Variants in MED12L observed in about 807,000 individuals in gnomAD.
MED12L encodes mediator complex subunit 12L, also known as mediator of RNA polymerase II transcription subunit 12-like protein.
In MED12L, 60 loss-of-function variants were observed where a neutral mutation model predicts 281.3. That is an observed-to-expected ratio of 0.21 (90% CI 0.17 to 0.26). The LOEUF is 0.26. MED12L is among the 10% of genes least tolerant of loss of function. The pLI, the probability that MED12L is intolerant of heterozygous loss-of-function variation, is 1.00. For missense variants in MED12L, 2,146 were observed against 2,680.9 expected, an observed-to-expected ratio of 0.80 and a Z score of 4.41; for synonymous variants, 974 against 987.2, an observed-to-expected ratio of 0.99 and a Z score of 0.25.
intron 16 of MED12L, among the ~76,000 whole-genome samples, chr3:151,242,503 G>GC: frequency 6.6e-6 from 1 of 152,306 alleles, no homozygotes; most frequent in Non-Finnish European, 1.5e-5. Flanking sequence ...CCCAGCAGGG[G>GC]CACACTGACA....
At position 151,385,023 on chromosome 3, in the gene MED12L, T is replaced by G; in HGVS notation, c.4927-7T>G. 7.1e-7 allele frequency: 1 copy of G among 1,401,012 alleles called. No homozygotes were observed. The highest frequency in any genetic ancestry group is 1.0e-6 in the Non-Finnish European group (1 of 989,368). 86.8% of individuals were successfully genotyped at this position (1,401,012 alleles called of 1,614,324 possible). On this transcript the variant is annotated splice_region_variant and splice_polypyrimidine_tract_variant and intron_variant, in intron 35 of 44. Coordinates refer to ENST00000687756, the MANE Select transcript of MED12L (RefSeq NM_001393769.1). ...TCTCACTCTCTCTCTCTCTCTTTTT[T>G]CTTTAGAAAGAGCTAGGAGACAAGC...
Position 151,165,840 on chromosome 3 carries a change from C to A in MED12L, c.1358-6C>A. On this transcript the variant is annotated splice_polypyrimidine_tract_variant and splice_region_variant and intron_variant, in intron 10 of 44. Transcript: ENST00000687756. ...CATTAACCACTTGTTTAATTTCTGC[C>A]TATAGGGGTGACTATTAGTCGGGTT... 1 of 1,612,454 alleles carries A rather than the reference C, an allele frequency of 6.2e-7. No homozygotes were observed. Among genetic ancestry groups the A allele is most frequent in the African/African-American group, 1.3e-5 (1 of 74,954 alleles).
intron 16 of MED12L, among the ~76,000 whole-genome samples, chr3:151,309,158 C>CACACAA (rs201370895): frequency 3.6e-4 from 55 of 151,304 alleles, no homozygotes; most frequent in African/African-American, 1.3e-3. Flanking sequence ...CACACACACA[C>CACACAA]AACGTTTCTT....
In MED12L at chr3:151,416,708, C is replaced by T. The variant is rs114501573; in HGVS notation, c.6408+286C>T. ...TACATTGAGACGTGGTCTTTTTTTCCTAAACAATGATAAAACGATGATTTA... is the reference window on the plus strand; with the variant it reads ...TACATTGAGACGTGGTCTTTTTTTCTTAAACAATGATAAAACGATGATTTA... On this transcript the variant is annotated intron_variant, in intron 43 of 44. Coordinates refer to ENST00000687756, the MANE Select transcript of MED12L (RefSeq NM_001393769.1). Among the ~76,000 whole-genome samples, 1,148 of 152,178 alleles carry T rather than the reference C, an allele frequency of 7.5e-3. 16 individuals are homozygous for T. The highest frequency in any genetic ancestry group is 0.026 in the African/African-American group (1,093 of 41,520).
chr3:151,427,026 C>A (rs1425617388), intron 43 of MED12L, among the ~76,000 whole-genome samples: 1 of 152,102 alleles, frequency 6.6e-6, no homozygotes, highest in Non-Finnish European at 1.5e-5. Flanking sequence ...CCATGTTGCC[C>A]AGGCTGGTCT....
chr3:151,133,531 A>G (rs1715704861), intron 5 of MED12L, among the ~76,000 whole-genome samples: 1 of 152,144 alleles, frequency 6.6e-6, no homozygotes, highest in Admixed American at 6.5e-5. Flanking sequence ...GTATCAGGAC[A>G]GAGATTTTAA....
At chr3:151,142,684 C>G (rs924360654) in intron 5 of MED12L, among the ~76,000 whole-genome samples, 1 of 152,160 alleles carries the variant, frequency 6.6e-6, no homozygotes, top group Non-Finnish European at 1.5e-5. Context: ...TTGGTGCTTG[C>G]TCCATACTGT....
At chr3:151,290,974 T>G (rs1228007548) in intron 16 of MED12L, among the ~76,000 whole-genome samples, 2 of 152,180 alleles carry the variant, frequency 1.3e-5, no homozygotes, top group African/African-American at 4.8e-5. Context: ...GTATTTAATT[T>G]TAGAAGTCAT....
intron 2 of MED12L, among the ~76,000 whole-genome samples, chr3:151,091,294 A>G (rs1720013136): frequency 6.6e-6 from 1 of 152,158 alleles, no homozygotes; most frequent in Non-Finnish European, 1.5e-5. Flanking sequence ...TGGTGTCTGC[A>G]TGCGGATATC....
intron 8 of MED12L, 49 bp from the exon 9 acceptor site, chr3:151,163,844 T>C (rs776177799): frequency 1.9e-6 from 3 of 1,577,924 alleles, no homozygotes; most frequent in South Asian, 1.1e-5. Context: ...GCTATTGTTA[T>C]GCTTTTCTCC....
chr3:151,136,344 A>G (rs1389972267), intron 5 of MED12L, among the ~76,000 whole-genome samples: 1 of 152,216 alleles, frequency 6.6e-6, no homozygotes, highest in African/African-American at 2.4e-5. Context: ...TTCCAGGGAC[A>G]AGCGTTTAGT....
At chr3:151,278,824 A>G (rs2149601548) in intron 16 of MED12L, among the ~76,000 whole-genome samples, 1 of 152,368 alleles carries the variant, frequency 6.6e-6, no homozygotes, top group Non-Finnish European at 1.5e-5. Context: ...AATTAACAGA[A>G]TAAAGAAGTA....
intron 16 of MED12L, among the ~76,000 whole-genome samples, chr3:151,256,857 T>TG (rs1559947080): frequency 6.6e-6 from 1 of 151,826 alleles, no homozygotes; most frequent in Non-Finnish European, 1.5e-5. Flanking sequence ...AGGTTTTTTT[T>TG]TTGTTGTTTT....
At chr3:151,355,701 T>C (rs1753828432) in intron 18 of MED12L, among the ~76,000 whole-genome samples, 195 bp from the exon 19 acceptor site, 1 of 152,244 alleles carries the variant, frequency 6.6e-6, no homozygotes, top group Non-Finnish European at 1.5e-5. Context: ...ACTTTTTGTA[T>C]TTTTTAAAAT....
chr3:151,198,691 G>A (rs1296930927), intron 16 of MED12L: 2 of 1,614,028 alleles, frequency 1.2e-6, no homozygotes, highest in Admixed American at 1.7e-5. Flanking sequence ...AGCATATGAT[G>A]TAGCCCGTGG....
intron 16 of MED12L, among the ~76,000 whole-genome samples, chr3:151,239,649 A>T (rs1315180794): frequency 6.6e-6 from 1 of 152,228 alleles, no homozygotes; most frequent in East Asian, 1.9e-4. Context: ...ATAGGTATAC[A>T]CAAAAGCTCT....
chr3:151,212,256 T>C (rs1248203345), intron 16 of MED12L: 1 of 152,204 alleles, frequency 6.6e-6, no homozygotes. Flanking sequence ...AGAAAGAATT[T>C]AGTTTTGGTA....
chr3:151,371,232 C>T (rs1244482027), intron 26 of MED12L, among the ~76,000 whole-genome samples: 2 of 152,140 alleles, frequency 1.3e-5, no homozygotes, highest in African/African-American at 2.4e-5. Flanking sequence ...TTCCTATCCA[C>T]CAGGATATAT....
intron 5 of MED12L, among the ~76,000 whole-genome samples, chr3:151,136,353 G>T (rs1716140283): frequency 1.3e-5 from 2 of 152,232 alleles, no homozygotes; most frequent in Admixed American, 1.3e-4. Flanking sequence ...CAAGCGTTTA[G>T]TTTTGTCAAG....
Sources: gnomAD v4.1 joint callset for allele counts (sites outside exome capture counted in the v4.1 genomes callset) on GRCh38, gnomAD v4.1.1 for gene constraint, MANE v1.5 for transcripts, NCBI Gene and HGNC (gene_info 2026-07-23, HGNC 2026-07-21) for gene names.